PDE3B: variants seen among roughly 807,000 people sequenced by gnomAD.
PDE3B encodes the protein cGMP-inhibited 3',5'-cyclic phosphodiesterase 3B.
PDE3B carries 66 observed loss-of-function variants against 116.8 expected under a neutral mutation model. The observed-to-expected ratio is 0.56, with a 90% CI of 0.46 to 0.69. The LOEUF (loss-of-function observed/expected upper bound fraction) is 0.69. Ranked by LOEUF, PDE3B falls within the 30% of genes least tolerant of loss-of-function variation. The pLI, the probability that PDE3B is intolerant of heterozygous loss-of-function variation, is 0.00. For missense variants in PDE3B, 1,384 were observed against 1,368.1 expected (o/e 1.01, Z -0.18); for synonymous variants, 595 against 533.6 (o/e 1.12, Z -1.59).
At chr11:14,773,284 C>T (rs767077812) in intron 2 of PDE3B, 1 of 151,896 alleles carries the variant, frequency 6.6e-6, no homozygotes, top group Non-Finnish European at 1.5e-5. Flanking sequence ...GTTAAACCAT[C>T]CCTGTATTCC....
the PDE3B span, chr11:14,892,323 T>C: frequency 6.1e-6 from 6 of 987,098 alleles, no homozygotes; most frequent in Non-Finnish European, 9.1e-6. Context: ...CCGTGGCCAT[T>C]GGCTGACTGA....
chr11:14,816,452 C>T (rs1859334534), intron 5 of PDE3B, among the ~76,000 whole-genome samples: 3 of 152,164 alleles, frequency 2.0e-5, no homozygotes, highest in Admixed American at 6.6e-5. Flanking sequence ...ATAAATCTGC[C>T]TGCATCTTTC....
Position 14,830,817 on chromosome 11 carries a change from G to C in PDE3B, c.1927G>C (p.Glu643Gln), listed in dbSNP as rs770156020. The C allele has an allele frequency of 6.6e-7, 1 of 1,525,348 alleles. No homozygotes were observed. Among genetic ancestry groups the C allele is most frequent in the Non-Finnish European group, 8.8e-7 (1 of 1,142,168 alleles). 94.5% of individuals were successfully genotyped at this position (1,525,348 alleles called of 1,614,324 possible). ...TCAGGAAGGTGATAAGTGGCTAACA[G>C]AAGAGGCACAGAGTGAACAGCAAAC... The part of the protein sequence containing the change: ...LFQEGDKWLT[E>Q]EAQSEQQTNI... Residue 643 changes from glutamate to glutamine, a missense_variant, in exon 8 of 16, where the codon GAA (glutamate) becomes CAA (glutamine). Glu to Gln is a conservative substitution (Grantham distance 29, BLOSUM62 2). Transcript: ENST00000282096.
At chr11:14,781,158 G>A (rs534344256) in intron 2 of PDE3B, among the ~76,000 whole-genome samples, 1 of 152,222 alleles carries the variant, frequency 6.6e-6, no homozygotes, top group Non-Finnish European at 1.5e-5. Flanking sequence ...CTGTGAAATT[G>A]AGGCAATAAT....
chr11:14,812,352 A>C (rs1290143757), intron 5 of PDE3B, among the ~76,000 whole-genome samples: 1 of 152,240 alleles, frequency 6.6e-6, no homozygotes, highest in African/African-American at 2.4e-5. Flanking sequence ...ATAGATCTGC[A>C]GAAAATCCTC....
At chr11:14,794,682 C>T (rs767632787) in intron 4 of PDE3B, among the ~76,000 whole-genome samples, 2 of 152,222 alleles carry the variant, frequency 1.3e-5, no homozygotes, top group East Asian at 1.9e-4. Flanking sequence ...GGACTCAGTC[C>T]GACAAGACTG....
intron 2 of PDE3B, chr11:14,774,264 T>A (rs376184561): frequency 3.3e-5 from 5 of 152,316 alleles, no homozygotes; most frequent in South Asian, 4.1e-4. Context: ...CCAGTCCCTC[T>A]TAGCTGGAAA....
chr11:14,716,151 G>A (rs1425477435), intron 1 of PDE3B, among the ~76,000 whole-genome samples: 1 of 152,180 alleles, frequency 6.6e-6, no homozygotes, highest in Admixed American at 6.5e-5. Context: ...GTCAAAGAAA[G>A]GGGTGACGGA....
chr11:14,796,234 C>T (rs1036205167), intron 4 of PDE3B, among the ~76,000 whole-genome samples: 5 of 152,158 alleles, frequency 3.3e-5, no homozygotes, highest in South Asian at 2.1e-4. Context: ...CGTAGTATTC[C>T]GTGGTGTGTA....
At chr11:14,783,700 A>T (rs568827318) in intron 2 of PDE3B, among the ~76,000 whole-genome samples, 7 of 152,110 alleles carry the variant, frequency 4.6e-5, no homozygotes, top group African/African-American at 7.2e-5. Context: ...AGCATGGCAC[A>T]TGTATACATA....
At chr11:14,752,889 A>G (rs1464602659) in intron 1 of PDE3B, among the ~76,000 whole-genome samples, 2 of 152,038 alleles carry the variant, frequency 1.3e-5, no homozygotes, top group Non-Finnish European at 2.9e-5. Context: ...GTATTCTAGT[A>G]TAATCTGTTG....
chr11:14,805,124 G>C (rs964647093), intron 5 of PDE3B, among the ~76,000 whole-genome samples: 5 of 152,092 alleles, frequency 3.3e-5, no homozygotes, highest in African/African-American at 1.2e-4. Flanking sequence ...ATAAAAGAAA[G>C]CAAACAACAA....
At chr11:14,678,891 A>T (rs999748692) in intron 1 of PDE3B, among the ~76,000 whole-genome samples, 1 of 152,072 alleles carries the variant, frequency 6.6e-6, no homozygotes, top group African/African-American at 2.4e-5. Flanking sequence ...TAGTAGCTTT[A>T]TGTTTTACCT....
At chr11:14,780,521 C>T (rs1225570143) in intron 2 of PDE3B, among the ~76,000 whole-genome samples, 1 of 152,162 alleles carries the variant, frequency 6.6e-6, no homozygotes, top group Non-Finnish European at 1.5e-5. Context: ...TCACTAAAAA[C>T]CACTCAAGTA....
intron 1 of PDE3B, among the ~76,000 whole-genome samples, chr11:14,754,519 AAAAT>A (rs1459939600): frequency 5.9e-5 from 9 of 152,290 alleles, no homozygotes; most frequent in African/African-American, 9.6e-5. Flanking sequence ...ATCCTTTGGA[AAAAT>A]AAATAGTGTT....
chr11:14,823,402 AAGCTGCCATCTTTG>A (rs1565152963), intron 7 of PDE3B, among the ~76,000 whole-genome samples: 1 of 151,770 alleles, frequency 6.6e-6, no homozygotes, highest in Non-Finnish European at 1.5e-5. Flanking sequence ...AGGGAGGGGC[AAGCTGCCATCTTTG>A]CTGTTTTGCA....
chr11:14,765,393 TG>T (rs1857471407), intron 1 of PDE3B, among the ~76,000 whole-genome samples: 1 of 151,928 alleles, frequency 6.6e-6, no homozygotes, highest in African/African-American at 2.4e-5. Flanking sequence ...ACTGTGGTTT[TG>T]GTGGTTTTGT....
Position 14,861,065 on chromosome 11 carries a change from T to A in PDE3B, c.2725-140T>A, listed in dbSNP as rs112415870. 3.4e-4 allele frequency: 212 copies of A among 615,522 alleles called. No individual in the cohort carries two copies. In the African/African-American group the frequency reaches 3.5e-3, roughly 10 times the overall value. 38.1% of individuals were successfully genotyped at this position (615,522 alleles called of 1,614,324 possible). On this transcript the variant is annotated intron_variant, in intron 13 of 15. Transcript: ENST00000282096. The stretch of plus-strand genomic sequence containing the variant: ...GGTCCATATTATGGAATAAGCTGAT[T>A]TTAAAAAGAACTATTTGCTGAAATT...
At chr11:14,880,237 A>C in the PDE3B span, 1 of 1,612,970 alleles carries the variant, frequency 6.2e-7, no homozygotes, top group Admixed American at 1.7e-5. Flanking sequence ...TGAGAAAATT[A>C]GGTTTTCTTT....
Sources: gnomAD v4.1 joint callset for allele counts (sites outside exome capture counted in the v4.1 genomes callset) on GRCh38, gnomAD v4.1.1 for gene constraint, MANE v1.5 for transcripts, NCBI Gene and HGNC (gene_info 2026-07-23, HGNC 2026-07-21) for gene names.